Variants in PCDHA8 observed in about 807,000 individuals in gnomAD.
The protein encoded by PCDHA8 is protocadherin alpha-8.
Under a neutral mutation model 61.8 loss-of-function variants are expected in PCDHA8, and 53 were observed. The observed-to-expected ratio is 0.86, with a 90% confidence interval of 0.69 to 1.08. The LOEUF (loss-of-function observed/expected upper bound fraction) is 1.08. Ranked by LOEUF, PCDHA8 falls within the 50% of genes least tolerant of loss-of-function variation. The pLI is 0.00. For synonymous variants in PCDHA8, 618 were observed against 556.6 expected (o/e 1.11, Z -1.55); for missense variants, 1,293 against 1,245.0 (o/e 1.04, Z -0.58).
intron 3 of PCDHA8, among the ~76,000 whole-genome samples, chr5:141,007,087 A>G (rs1554261040): frequency 6.6e-6 from 1 of 152,112 alleles, no homozygotes; most frequent in African/African-American, 2.4e-5. Context: ...AATAGAGAAG[A>G]GAGTCTAGGG....
At chr5:140,938,190 C>T (rs2091964057) in intron 1 of PCDHA8, among the ~76,000 whole-genome samples, 1 of 152,212 alleles carries the variant, frequency 6.6e-6, no homozygotes. Flanking sequence ...AAGCAATCCT[C>T]CCACGCCAGC....
At chr5:140,967,207 T>G (rs376266648) in intron 1 of PCDHA8, 16 of 1,613,648 alleles carry the variant, frequency 9.9e-6, no homozygotes, top group Non-Finnish European at 1.1e-5. Flanking sequence ...ACTCACCGCG[T>G]TTCCCGCGGC....
intron 1 of PCDHA8, chr5:140,929,574 G>A: frequency 2.2e-6 from 1 of 448,534 alleles, no homozygotes; most frequent in Non-Finnish European, 3.9e-6. Flanking sequence ...AACAATAAAA[G>A]TAATATGACA....
chr5:140,925,166 A>G (rs2082364629), intron 1 of PCDHA8, among the ~76,000 whole-genome samples: 1 of 152,126 alleles, frequency 6.6e-6, no homozygotes, highest in Admixed American at 6.5e-5. Context: ...GAATTGTGTA[A>G]TTGACCCCAA....
intron 1 of PCDHA8, chr5:140,877,927 A>G: frequency 7.1e-7 from 1 of 1,416,192 alleles, no homozygotes; most frequent in South Asian, 1.6e-5. Flanking sequence ...TTTCTTTATG[A>G]TTCTATCCTT....
At chr5:140,983,272 G>A (rs2097037556) in intron 3 of PCDHA8, among the ~76,000 whole-genome samples, 1 of 152,176 alleles carries the variant, frequency 6.6e-6, no homozygotes, top group African/African-American at 2.4e-5. Context: ...TAATGGCTGG[G>A]TGAGTATAGG....
chr5:140,902,203 CTTTTTTT>C (rs148688132), intron 1 of PCDHA8, among the ~76,000 whole-genome samples: 3 of 124,458 alleles, frequency 2.4e-5, no homozygotes, highest in African/African-American at 3.1e-5. Flanking sequence ...CTCTCTCTTT[CTTTTTTT>C]TTTTTTTTTT....
At chr5:140,960,764 A>C (rs1383623742) in intron 1 of PCDHA8, among the ~76,000 whole-genome samples, 7 of 152,164 alleles carry the variant, frequency 4.6e-5, no homozygotes, top group African/African-American at 1.7e-4. Flanking sequence ...CAAGAGTTAC[A>C]GAGGAGAAAT....
intron 3 of PCDHA8, among the ~76,000 whole-genome samples, chr5:141,006,608 G>A (rs2098279719): frequency 6.6e-6 from 1 of 152,200 alleles, no homozygotes; most frequent in African/African-American, 2.4e-5. Flanking sequence ...GAAGCAGACT[G>A]AATAAGGAGA....
In PCDHA8 at chr5:140,927,984, A is replaced by G. The variant is rs112872627; in HGVS notation, c.2395-50965A>G. 5.7e-5 allele frequency: 92 copies of G among 1,614,218 alleles called. 4 individuals are homozygous for G. In the African/African-American group the frequency reaches 7.1e-4, roughly 12 times the overall value. Reference sequence around the variant, plus strand: ...GCACAGTGATTGCTCTCTTTAGTGTAAAGGATGAAGACCTCGATTCTAATG... The same window carrying G: ...GCACAGTGATTGCTCTCTTTAGTGTGAAGGATGAAGACCTCGATTCTAATG... On this transcript the variant is annotated intron_variant, in intron 1 of 3. Coordinates refer to ENST00000531613, the MANE Select transcript of PCDHA8 (RefSeq NM_018911.3).
intron 1 of PCDHA8, chr5:140,870,884 G>A (rs376620715): frequency 6.5e-5 from 105 of 1,613,948 alleles, no homozygotes; most frequent in Admixed American, 3.3e-4. Context: ...GCGAAGGTGC[G>A]CGCAGTGGAT....
At chr5:140,936,163 G>A (rs2090818025) in intron 1 of PCDHA8, among the ~76,000 whole-genome samples, 1 of 152,090 alleles carries the variant, frequency 6.6e-6, no homozygotes, top group African/African-American at 2.4e-5. Flanking sequence ...AAAGTGCTGG[G>A]ATTAGAGGCC....
chr5:140,857,769 G>A, intron 1 of PCDHA8: 1 of 1,597,600 alleles, frequency 6.3e-7, no homozygotes, highest in Non-Finnish European at 8.6e-7. Context: ...AGCGCGGGCG[G>A]TGCAGTCAGT....
intron 1 of PCDHA8, among the ~76,000 whole-genome samples, chr5:140,884,876 C>A (rs1554181909): frequency 6.6e-6 from 1 of 152,096 alleles, no homozygotes; most frequent in African/African-American, 2.4e-5. Context: ...ATGAAATGTG[C>A]AAAACAAGAA....
At chr5:140,876,884 G>A (rs782742455) in intron 1 of PCDHA8, 11 of 1,614,028 alleles carry the variant, frequency 6.8e-6, no homozygotes, top group East Asian at 2.2e-5. Flanking sequence ...AACCCGCCGG[G>A]CTGCCACATC....
rs1349826822 is a variant in PCDHA8, at chr5:140,911,368, C to A, written c.2395-67581C>A. Reference sequence around the variant, plus strand: ...CCTCATTTCAACAGTAGACACCTGGCAAGGCTGTGCATGCACCTTTCATTG... The same window carrying A: ...CCTCATTTCAACAGTAGACACCTGGAAAGGCTGTGCATGCACCTTTCATTG... On this transcript the variant is annotated intron_variant, in intron 1 of 3. Coordinates refer to ENST00000531613, the MANE Select transcript of PCDHA8 (RefSeq NM_018911.3). 3.3e-5 allele frequency among the ~76,000 whole-genome samples: 5 copies of A among 152,144 alleles called. No homozygotes were observed. The East Asian group carries it at 7.7e-4, about 23-fold the overall frequency.
At chr5:140,873,791 G>A (rs1330097708) in intron 1 of PCDHA8, among the ~76,000 whole-genome samples, 1 of 152,152 alleles carries the variant, frequency 6.6e-6, no homozygotes, top group Non-Finnish European at 1.5e-5. Flanking sequence ...TTTCCGAGAA[G>A]CTGGGACTAC....
In PCDHA8 at chr5:140,857,190, A is replaced by C. The variant is rs782160902; in HGVS notation, c.2394+13475A>C. The C allele has an allele frequency of 1.3e-5, 21 of 1,598,418 alleles. 2 individuals are homozygous for C. Among genetic ancestry groups the C allele is most frequent in the Non-Finnish European group, 8.6e-7 (1 of 1,167,936 alleles). On this transcript the variant is annotated intron_variant, in intron 1 of 3. Coordinates refer to ENST00000531613, the MANE Select transcript of PCDHA8 (RefSeq NM_018911.3). Reference sequence around the variant, plus strand: ...GTTTCTGACCATGATTCAGGAGCCAACGGACAGGTCACCTGCTCTCTGACG... The same window carrying C: ...GTTTCTGACCATGATTCAGGAGCCACCGGACAGGTCACCTGCTCTCTGACG...
At chr5:140,882,988 G>A (rs782434208) in intron 1 of PCDHA8, 4 of 1,614,080 alleles carry the variant, frequency 2.5e-6, no homozygotes, top group Non-Finnish European at 3.4e-6. Context: ...ACAACGCCCC[G>A]GAATTTTACC....
Sources: allele counts gnomAD v4.1 joint callset (sites outside exome capture counted in the v4.1 genomes callset), GRCh38; gene constraint gnomAD v4.1.1; transcripts MANE v1.5; gene names NCBI Gene and HGNC (gene_info 2026-07-23, HGNC 2026-07-21).